SWT1: variants seen among roughly 807,000 people sequenced by gnomAD.
SWT1 encodes the protein SWT1 RNA endoribonuclease homolog.
Under a neutral mutation model 107.3 loss-of-function variants are expected in SWT1, and 33 were observed. The ratio of observed to expected loss-of-function variants is 0.31; its 90% CI spans 0.23 to 0.41. The LOEUF is 0.41. SWT1 is among the 10% of genes least tolerant of loss of function. The pLI, the probability that SWT1 is intolerant of heterozygous loss-of-function variation, is 1.00. For synonymous variants in SWT1, 345 were observed against 348.3 expected (o/e 0.99, Z 0.11); for missense variants, 898 against 1,028.9 (o/e 0.87, Z 1.74).
chr1:185,196,531 G>A (rs1486850991), intron 10 of SWT1, among the ~76,000 whole-genome samples: 2 of 152,168 alleles, frequency 1.3e-5, no homozygotes, highest in East Asian at 3.8e-4. Context: ...GAAAGCCAAT[G>A]GTAGCTTGAT....
intron 18 of SWT1, among the ~76,000 whole-genome samples, chr1:185,282,781 A>G (rs1664717298): frequency 6.6e-6 from 1 of 152,066 alleles, no homozygotes; most frequent in African/African-American, 2.4e-5. Context: ...GTCGGTGTTC[A>G]CTGGAGAATT....
intron 5 of SWT1, chr1:185,176,413 G>A (rs536664865): frequency 4.6e-5 from 10 of 215,752 alleles, no homozygotes; most frequent in Admixed American, 6.5e-5. Flanking sequence ...GGGAGAAGCC[G>A]GGATATTTTA....
chr1:185,291,024 A>G lies in SWT1; in HGVS notation c.*221A>G. ...CATAGACTCAACTCTTCTGGAGTTC[A>G]CAATGCCTCCCTACCTCTATTCTTG... On this transcript the variant is annotated 3_prime_UTR_variant, in exon 19 of 19. Coordinates refer to ENST00000367500, the MANE Select transcript of SWT1 (RefSeq NM_017673.7). 1 of 294,136 alleles carries G rather than the reference A, an allele frequency of 3.4e-6. No homozygotes were observed. Among genetic ancestry groups the G allele is most frequent in the East Asian group, 6.2e-5 (1 of 16,154 alleles). The allele number at this position is 294,136 out of a possible 1,614,324, so 18.2% of individuals were successfully genotyped here. A position where few individuals can be genotyped will look rare whatever the true frequency, so the allele number is the denominator to read the frequency against.
At position 185,242,146 on chromosome 1, in the gene SWT1, G is replaced by A. The variant is rs143592400; in HGVS notation, c.2441+10438G>A. Among the ~76,000 whole-genome samples, 1,052 of 152,222 alleles carry A rather than the reference G, an allele frequency of 6.9e-3. 4 individuals carry two copies. The highest frequency in any genetic ancestry group is 0.011 in the Non-Finnish European group (737 of 67,996). The stretch of plus-strand genomic sequence containing the variant: ...TTGTTATATTATAGACACATATAAG[G>A]TCATATGTGTAAAATATAGACAGTT... On this transcript the variant is annotated intron_variant, in intron 16 of 18. Transcript: ENST00000367500.
intron 10 of SWT1, among the ~76,000 whole-genome samples, chr1:185,200,823 G>GT (rs1236200029): frequency 1.3e-5 from 2 of 152,174 alleles, no homozygotes; most frequent in African/African-American, 4.8e-5. Flanking sequence ...AGGCAGGAAC[G>GT]TTTAAGTCTG....
In SWT1 at chr1:185,231,658, T is replaced by G. The variant is rs769787150; in HGVS notation, c.2391T>G (p.Cys797Trp). The G allele has an allele frequency of 1.2e-6, 2 of 1,608,548 alleles. No homozygotes were observed. Among genetic ancestry groups the G allele is most frequent in the Non-Finnish European group, 8.5e-7 (1 of 1,175,380 alleles). Reference sequence around the variant, plus strand: ...CATCATTTGAAGAAGCATTTATATGTCTTCAAAAGTTAATGGCAGCTGTGA... The same window carrying G: ...CATCATTTGAAGAAGCATTTATATGGCTTCAAAAGTTAATGGCAGCTGTGA... Reference protein sequence around the residue: ...NIASFEEAFICLQKLMAAVRD... With the variant: ...NIASFEEAFIWLQKLMAAVRD... Residue 797 changes from cysteine (C) to tryptophan (W), a missense_variant, in exon 16 of 19, where the codon TGT becomes TGG. Physicochemically the swap from Cys to Trp is radical, Grantham distance 215. Around this residue, in one of 6 missense-constraint regions of SWT1, gnomAD observed 382 missense variants for 460.0 expected, o/e 0.83. Coordinates refer to ENST00000367500, the MANE Select transcript of SWT1 (RefSeq NM_017673.7).
chr1:185,195,246 G>T lies in SWT1; in HGVS notation c.1523+4604G>T, dbSNP rs7522617. Among the ~76,000 whole-genome samples the T allele has an allele frequency of 2.0e-5, 3 of 152,058 alleles. No homozygotes were observed. The East Asian group carries it at 5.8e-4, about 29-fold the overall frequency. The stretch of plus-strand genomic sequence containing the variant: ...TCCCACTTAAGAGTGAGGACATGCA[G>T]TGTGTGGTTTTCTGTTCCTGTGTTA... On this transcript the variant is annotated intron_variant, in intron 10 of 18. Coordinates refer to ENST00000367500, the MANE Select transcript of SWT1 (RefSeq NM_017673.7).
chr1:185,224,093 A>G (rs1216793538), intron 15 of SWT1, among the ~76,000 whole-genome samples: 1 of 152,154 alleles, frequency 6.6e-6, no homozygotes, highest in Non-Finnish European at 1.5e-5. Flanking sequence ...TTTCTTACAT[A>G]TTCTGGATAT....
chr1:185,279,734 C>T (rs1346172329), intron 18 of SWT1, among the ~76,000 whole-genome samples: 2 of 149,766 alleles, frequency 1.3e-5, no homozygotes, highest in Non-Finnish European at 3.0e-5. Context: ...CTGGTTCATA[C>T]TAGATATGGG....
chr1:185,170,695 A>G (rs1654973829), intron 4 of SWT1, among the ~76,000 whole-genome samples: 1 of 152,198 alleles, frequency 6.6e-6, no homozygotes, highest in African/African-American at 2.4e-5. Flanking sequence ...GCATTTACTT[A>G]ATTTAGAACC....
At chr1:185,286,477 G>A (rs1042389650) in intron 18 of SWT1, among the ~76,000 whole-genome samples, 21 of 152,098 alleles carry the variant, frequency 1.4e-4, no homozygotes, top group African/African-American at 4.6e-4. Context: ...GCCCGCCTCA[G>A]CCTCCCAAAG....
chr1:185,184,262 A>G lies in SWT1; in HGVS notation c.1158A>G (p.Arg386=), dbSNP rs766533964. The G allele has an allele frequency of 1.9e-6, 3 of 1,551,876 alleles. No homozygotes were observed. Among genetic ancestry groups the G allele is most frequent in the Middle Eastern group, 1.7e-4 (1 of 5,934 alleles). Residue 386 remains arginine, a synonymous_variant, in exon 8 of 19, where the codon AGA becomes AGG. Coordinates refer to ENST00000367500, the MANE Select transcript of SWT1 (RefSeq NM_017673.7). ...HSSSANNTSD[R]KLLIVIDTNI... The stretch of plus-strand genomic sequence containing the variant: ...CTTTAGCAAATAATACTTCAGACAG[A>G]AAGCTTCTAATTGTTATTGACACAA...
In SWT1 at chr1:185,182,202, G is replaced by T. The variant is rs973091722; in HGVS notation, c.1138+145G>T. On this transcript the variant is annotated intron_variant, in intron 7 of 18. Coordinates refer to ENST00000367500, the MANE Select transcript of SWT1 (RefSeq NM_017673.7). ...GATAAAGTAATAGTTTATTTTTTAG[G>T]TACAGGAATTAGATCCAATATTTGT... The T allele has an allele frequency of 6.4e-6, 5 of 783,212 alleles. No individual in the cohort carries two copies. The Admixed American group carries it at 1.6e-4, about 24-fold the overall frequency. The allele number at this position is 783,212 out of a possible 1,614,324, so 48.5% of individuals were successfully genotyped here.
At chr1:185,247,286 G>A (rs1661682647) in intron 16 of SWT1, among the ~76,000 whole-genome samples, 1 of 152,082 alleles carries the variant, frequency 6.6e-6, no homozygotes, top group African/African-American at 2.4e-5. Flanking sequence ...TGTGACCTGG[G>A]GCTCTCTGAC....
chr1:185,168,526 CTGATTA>C, intron 4 of SWT1, 128 bp downstream of exon 4: 1 of 375,192 alleles, frequency 2.7e-6, no homozygotes, highest in Non-Finnish European at 4.6e-6. Context: ...AGCTATATAA[CTGATTA>C]TGATTATAGA....
intron 18 of SWT1, among the ~76,000 whole-genome samples, chr1:185,287,140 C>G (rs1664993433): frequency 6.6e-6 from 1 of 152,080 alleles, no homozygotes; most frequent in South Asian, 2.1e-4. Flanking sequence ...AAAATTGCAT[C>G]CAGCACTGGA....
chr1:185,218,717 G>T (rs557882727), intron 14 of SWT1, among the ~76,000 whole-genome samples: 1 of 152,266 alleles, frequency 6.6e-6, no homozygotes, highest in South Asian at 2.1e-4. Flanking sequence ...TTTTTGCTAA[G>T]ATGATAGAGT....
intron 9 of SWT1, among the ~76,000 whole-genome samples, chr1:185,189,493 G>A (rs936542656): frequency 3.3e-5 from 5 of 152,024 alleles, no homozygotes; most frequent in African/African-American, 7.2e-5. Context: ...GTTTAGCTGC[G>A]GTAGAACAGT....
At chr1:185,231,490 T>G in intron 15 of SWT1, 87 bp from the exon 16 acceptor site, 3 of 948,134 alleles carry the variant, frequency 3.2e-6, no homozygotes, top group Non-Finnish European at 4.9e-6. Flanking sequence ...TAAATACTAC[T>G]TTACTTTATA....
Sources: gnomAD v4.1 joint callset for allele counts (sites outside exome capture counted in the v4.1 genomes callset) on GRCh38, gnomAD v4.1.1 for gene constraint, gnomAD v4.1.1 regional missense constraint, MANE v1.5 for transcripts, NCBI Gene and HGNC (gene_info 2026-07-23, HGNC 2026-07-21) for gene names.